Variants in GRID2 observed in about 807,000 individuals in gnomAD.
GRID2 encodes the protein glutamate ionotropic receptor delta type subunit 2.
GRID2 carries 33 observed loss-of-function variants against 114.8 expected under a neutral mutation model. The ratio of observed to expected loss-of-function variants is 0.29; its 90% CI spans 0.22 to 0.38. The LOEUF (loss-of-function observed/expected upper bound fraction) is 0.38. GRID2 is among the 10% of genes least tolerant of loss of function. The probability of loss-of-function intolerance (pLI) is 1.00; values close to 1 mark genes in which losing one functional copy is unlikely to be tolerated. For synonymous variants in GRID2, 505 were observed against 449.9 expected, an observed-to-expected ratio of 1.12 and a Z score of -1.55; for missense variants, 1,184 against 1,257.7, an observed-to-expected ratio of 0.94 and a Z score of 0.89.
At chr4:92,665,584 T>G (rs1021576057) in intron 2 of GRID2, among the ~76,000 whole-genome samples, 4 of 151,232 alleles carry the variant, frequency 2.6e-5, no homozygotes, top group Non-Finnish European at 5.9e-5. Context: ...TGCAAGAGTG[T>G]TTTTTAGCAT....
intron 2 of GRID2, among the ~76,000 whole-genome samples, chr4:92,630,531 A>T (rs1478977746): frequency 3.9e-5 from 6 of 152,070 alleles, no homozygotes; most frequent in Non-Finnish European, 4.4e-5. Flanking sequence ...TGTCCTAAGG[A>T]TTCCTCTCTT....
chr4:93,741,163 A>G (rs1446417113), intron 14 of GRID2, among the ~76,000 whole-genome samples: 2 of 46,066 alleles, frequency 4.3e-5, no homozygotes, highest in Non-Finnish European at 7.0e-5. Context: ...GAGAAACTAT[A>G]TATATATATA....
intron 5 of GRID2, among the ~76,000 whole-genome samples, chr4:93,211,045 A>C (rs889097191): frequency 7.2e-5 from 11 of 152,112 alleles, no homozygotes; most frequent in Non-Finnish European, 1.3e-4. Flanking sequence ...TGGACAAATT[A>C]ATGCTTACAA....
At chr4:93,790,968 C>T (rs774259772) in intron 1 of GRID2, among the ~76,000 whole-genome samples, 3 of 152,146 alleles carry the variant, frequency 2.0e-5, no homozygotes, top group Non-Finnish European at 4.4e-5. Flanking sequence ...TCTTTGTTCA[C>T]AGTAGGCTCA....
intron 2 of GRID2, among the ~76,000 whole-genome samples, chr4:92,777,645 G>C (rs1435229468): frequency 6.6e-6 from 1 of 151,402 alleles, no homozygotes; most frequent in Non-Finnish European, 1.5e-5. Flanking sequence ...AAGTAATGAA[G>C]GTTAAATAAG....
At chr4:92,846,609 C>A (rs754510551) in intron 2 of GRID2, among the ~76,000 whole-genome samples, 25 of 152,068 alleles carry the variant, frequency 1.6e-4, no homozygotes, top group Non-Finnish European at 3.4e-4. Context: ...TCTTGGACTC[C>A]TGTGCTCCTC....
chr4:93,510,285 A>G (rs1235334915), intron 12 of GRID2, among the ~76,000 whole-genome samples: 1 of 152,198 alleles, frequency 6.6e-6, no homozygotes, highest in East Asian at 1.9e-4. Context: ...AGCGTTCTAC[A>G]CAACCAGGCT....
intron 7 of GRID2, among the ~76,000 whole-genome samples, chr4:93,230,997 T>C (rs1187698346): frequency 6.6e-6 from 1 of 152,086 alleles, no homozygotes. Flanking sequence ...TTTTTAACTA[T>C]ATAAATATAA....
chr4:93,490,660 C>T lies in GRID2; in HGVS notation c.1880C>T (p.Thr627Ile), dbSNP rs1726905348. The change falls in exon 12 of 16, where the codon ACT (threonine) becomes ATT (isoleucine). Residue 627 changes from threonine (T) to isoleucine (I), a missense_variant. Around this residue, in one of 3 missense-constraint regions of GRID2, gnomAD observed 717 missense variants for 796.9 expected, o/e 0.90. Coordinates refer to ENST00000282020, the MANE Select transcript of GRID2 (RefSeq NM_001510.4). Reference sequence around the variant, plus strand: ...ACAGGCGGGGAAGTCCCGTACACGACTCTGGCTACCCGAATGATGATGGGG... The same window carrying T: ...ACAGGCGGGGAAGTCCCGTACACGATTCTGGCTACCCGAATGATGATGGGG... ...VQQGGEVPYT[T>I]LATRMMMGAW... 1 of 1,610,536 alleles carries T rather than the reference C, an allele frequency of 6.2e-7. No homozygotes were observed. The highest frequency in any genetic ancestry group is 8.5e-7 in the Non-Finnish European group (1 of 1,177,580).
rs559381075 is a variant in GRID2 at position 93,263,877 on chromosome 4, G to T, written c.1245+25387G>T. 2.1e-3 allele frequency among the ~76,000 whole-genome samples: 324 copies of T among 152,262 alleles called. 2 individuals are homozygous for T. Among genetic ancestry groups the T allele is most frequent in the African/African-American group, 7.6e-3 (315 of 41,568 alleles). The stretch of plus-strand genomic sequence containing the variant: ...ACTCTACATCATTATAGAGAAATAT[G>T]CTTATCTTAATTGCTATGAAATGGG... On this transcript the variant is annotated intron_variant, in intron 8 of 15. Transcript: ENST00000282020.
chr4:92,991,304 T>G (rs1754889237), intron 2 of GRID2, among the ~76,000 whole-genome samples: 1 of 152,162 alleles, frequency 6.6e-6, no homozygotes, highest in Non-Finnish European at 1.5e-5. Flanking sequence ...AGGACACTCT[T>G]GGCAAAACAT....
intron 14 of GRID2, among the ~76,000 whole-genome samples, chr4:93,675,067 T>A (rs2110074462): frequency 6.6e-6 from 1 of 152,330 alleles, no homozygotes; most frequent in South Asian, 2.1e-4. Flanking sequence ...CCTATATATG[T>A]AAAGTATAAC....
At chr4:93,802,276 C>T (rs559512800) in intron 1 of GRID2, among the ~76,000 whole-genome samples, 2 of 152,300 alleles carry the variant, frequency 1.3e-5, no homozygotes, top group East Asian at 1.9e-4. Flanking sequence ...ACCCCAGGAG[C>T]TCTTCATCAC....
intron 8 of GRID2, among the ~76,000 whole-genome samples, chr4:93,352,379 C>T (rs1054986420): frequency 6.6e-6 from 1 of 151,960 alleles, no homozygotes. Context: ...TCTTGTTGCC[C>T]TGCAATCAGA....
chr4:93,292,445 G>T (rs981491910), intron 8 of GRID2, among the ~76,000 whole-genome samples: 3 of 152,176 alleles, frequency 2.0e-5, no homozygotes, highest in African/African-American at 7.2e-5. Flanking sequence ...GGTCACAGAA[G>T]GTAAAGTCTT....
At chr4:93,015,966 T>C (rs1722657671) in intron 2 of GRID2, among the ~76,000 whole-genome samples, 1 of 151,962 alleles carries the variant, frequency 6.6e-6, no homozygotes, top group African/African-American at 2.4e-5. Context: ...CAAAGTTGGA[T>C]GAATTATCAC....
intron 2 of GRID2, among the ~76,000 whole-genome samples, chr4:92,955,468 T>C (rs1337908655): frequency 6.6e-6 from 1 of 151,962 alleles, no homozygotes; most frequent in African/African-American, 2.4e-5. Flanking sequence ...GCGTTGTTTG[T>C]TTTTTTCTTG....
At chr4:92,893,390 G>C (rs1381177128) in intron 2 of GRID2, among the ~76,000 whole-genome samples, 1 of 152,106 alleles carries the variant, frequency 6.6e-6, no homozygotes, top group Non-Finnish European at 1.5e-5. Flanking sequence ...CAACCCAGGG[G>C]CATGGTGGGG....
At chr4:92,362,422 T>C (rs1445999553) in intron 1 of GRID2, among the ~76,000 whole-genome samples, 1 of 152,168 alleles carries the variant, frequency 6.6e-6, no homozygotes, top group East Asian at 1.9e-4. Context: ...AAGCTCTGTT[T>C]ATTCCAAAAA....
Sources: gnomAD v4.1 joint callset for allele counts (sites outside exome capture counted in the v4.1 genomes callset) on GRCh38, gnomAD v4.1.1 for gene constraint, gnomAD v4.1.1 regional missense constraint, MANE v1.5 for transcripts, NCBI Gene and HGNC (gene_info 2026-07-23, HGNC 2026-07-21) for gene names.